The following CENPI variants were observed in gnomAD, a reference collection of about 807,000 sequenced individuals.
CENPI encodes the protein FSH primary response 1.
In CENPI, 4 loss-of-function variants were observed where a neutral mutation model predicts 60.4. That is an observed-to-expected ratio of 0.07 (90% CI 0.03 to 0.15). The LOEUF (loss-of-function observed/expected upper bound fraction) is 0.15, where lower values mean the gene tolerates loss of function less well. Among genes scored for constraint, CENPI ranks in the 10% least tolerant of loss-of-function variants. The pLI, the probability that CENPI is intolerant of heterozygous loss-of-function variation, is 1.00. For synonymous variants in CENPI, 157 were observed against 189.4 expected (o/e 0.83, Z 1.40); for missense variants, 444 against 534.5 (o/e 0.83, Z 1.67).
chrX:101,139,831 T>TG (rs943300306), intron 15 of CENPI, among the ~76,000 whole-genome samples: 4 of 70,394 alleles, frequency 5.7e-5, no homozygotes, highest in South Asian at 4.9e-4. Context: ...TTTTTTTTTT[T>TG]TTGTTTTTTG....
chrX:101,151,138 CTG>C (rs1009794673), intron 20 of CENPI, among the ~76,000 whole-genome samples: 1 of 111,987 alleles, frequency 8.9e-6, no homozygotes, highest in Non-Finnish European at 1.9e-5. Context: ...AGTTCTGTGT[CTG>C]AGATTCCCTG....
chrX:101,124,350 CTTCTA>C (rs1261499126), intron 8 of CENPI, among the ~76,000 whole-genome samples: 1 of 110,975 alleles, frequency 9.0e-6, no homozygotes, highest in Non-Finnish European at 1.9e-5. Flanking sequence ...TCTGGGACCT[CTTCTA>C]TTCAGGCTGT....
the CENPI span, among the ~76,000 whole-genome samples, chrX:101,177,215 A>G: frequency 3.6e-5 from 4 of 111,245 alleles, no homozygotes; most frequent in African/African-American, 1.3e-4. Flanking sequence ...TGATAGTTGC[A>G]GTGGTGGAAC....
the CENPI span, among the ~76,000 whole-genome samples, chrX:101,172,993 T>C: frequency 2.8e-5 from 3 of 106,819 alleles, no homozygotes; most frequent in Non-Finnish European, 5.8e-5. Flanking sequence ...CATGTGCACC[T>C]ATTAAGTAGT....
chrX:101,138,740 C>T (rs780913385), intron 15 of CENPI, among the ~76,000 whole-genome samples: 2 of 109,584 alleles, frequency 1.8e-5, no homozygotes, highest in South Asian at 7.9e-4. Flanking sequence ...ATCCTCCCGG[C>T]TCAGCCTCCT....
chrX:101,178,997 T>A, the CENPI span, among the ~76,000 whole-genome samples: 1 of 111,604 alleles, frequency 9.0e-6, no homozygotes, highest in South Asian at 3.7e-4. Flanking sequence ...TTTACTACTT[T>A]TTCTTATTCT....
chrX:101,161,078 A>G (rs1293681040), intron 20 of CENPI, among the ~76,000 whole-genome samples: 1 of 112,472 alleles, frequency 8.9e-6, no homozygotes, highest in Admixed American at 9.5e-5. Context: ...AAAATGATAT[A>G]TGATAAAAAC....
intron 8 of CENPI, among the ~76,000 whole-genome samples, chrX:101,123,156 T>C (rs754557371): frequency 4.5e-5 from 5 of 112,158 alleles, no homozygotes; most frequent in African/African-American, 1.6e-4. Flanking sequence ...CAAGAAGGCA[T>C]AGCTATGTTC....
At chrX:101,145,241 G>A (rs749360427) in intron 17 of CENPI, 42 bp downstream of exon 17, 26 of 1,085,150 alleles carry the variant, frequency 2.4e-5, no homozygotes, top group Non-Finnish European at 3.0e-5. Context: ...TTATGTGAAG[G>A]CTATCCACTT....
At chrX:101,151,208 C>G (rs981218632) in intron 20 of CENPI, among the ~76,000 whole-genome samples, 1 of 111,304 alleles carries the variant, frequency 9.0e-6, no homozygotes, top group African/African-American at 3.3e-5. Context: ...CTGGTTATGT[C>G]TTATCTTGAA....
chrX:101,131,809 T>C (rs1156479803), intron 13 of CENPI, among the ~76,000 whole-genome samples: 2 of 111,821 alleles, frequency 1.8e-5, no homozygotes, highest in Non-Finnish European at 3.8e-5. Context: ...TGGGATTTGG[T>C]CTATGGCCTC....
At chrX:101,123,786 C>G (rs1317100871) in intron 8 of CENPI, among the ~76,000 whole-genome samples, 4 of 110,076 alleles carry the variant, frequency 3.6e-5, no homozygotes, top group African/African-American at 1.3e-4. Flanking sequence ...CAGGGTCTCT[C>G]TATGTCACCC....
intron 16 of CENPI, among the ~76,000 whole-genome samples, chrX:101,142,675 G>A (rs1451376473): frequency 9.0e-6 from 1 of 111,339 alleles, no homozygotes; most frequent in Non-Finnish European, 1.9e-5. Flanking sequence ...ACAGTGAATT[G>A]TTTCATCCAA....
intron 15 of CENPI, among the ~76,000 whole-genome samples, chrX:101,140,021 A>G (rs752344757): frequency 1.2e-3 from 130 of 110,210 alleles, no homozygotes; most frequent in African/African-American, 4.0e-3. Context: ...TATTTTTAGT[A>G]GAGACGGGGT....
the CENPI span, among the ~76,000 whole-genome samples, chrX:101,178,531 C>T: frequency 7.1e-3 from 761 of 106,664 alleles, 24 homozygotes; most frequent in Admixed American, 0.062. Flanking sequence ...TTGCCTCAGC[C>T]TCCTGAGTAG....
At position 101,166,099 on chromosome X, in the gene CENPI, A is replaced by G. The variant is rs2090142970; in HGVS notation, c.*3132A>G. Among the ~76,000 whole-genome samples the G allele has an allele frequency of 9.0e-6, 1 of 111,134 alleles. No individual in the cohort carries two copies. Among genetic ancestry groups the G allele is most frequent in the African/African-American group, 3.3e-5 (1 of 30,763 alleles). On this transcript the variant is annotated 3_prime_UTR_variant, in exon 22 of 22. Transcript: ENST00000682095. ...TTCCCTGGGTATCTTTTTTTGCCCC[A>G]CAAATAAAATACTTAGACATACCTG...
At chrX:101,120,532 G>A in intron 7 of CENPI, 82 bp downstream of exon 7, 1 of 613,277 alleles carries the variant, frequency 1.6e-6, no homozygotes, top group South Asian at 2.8e-5. Context: ...ATAACTATTA[G>A]CATTAGTTAT....
In CENPI at chrX:101,165,760, T is replaced by C. The variant is rs1052060741; in HGVS notation, c.*2793T>C. 3.6e-5 allele frequency among the ~76,000 whole-genome samples: 4 copies of C among 110,722 alleles called. No homozygotes were observed. Among genetic ancestry groups the C allele is most frequent in the African/African-American group, 6.6e-5 (2 of 30,428 alleles). On this transcript the variant is annotated 3_prime_UTR_variant, in exon 22 of 22. Coordinates refer to ENST00000682095, the MANE Select transcript of CENPI (RefSeq NM_001386188.2). ...ACCCACCAGTGACCTAGAAGAAAAA[T>C]CAGGAGGCTGGTATTCTGGAAGCCA...
At chrX:101,156,704 T>C (rs1453369923) in intron 20 of CENPI, among the ~76,000 whole-genome samples, 1 of 109,409 alleles carries the variant, frequency 9.1e-6, no homozygotes, top group African/African-American at 3.3e-5. Flanking sequence ...CTTATGCCCT[T>C]GCATCCTCAC....
Sources: allele counts gnomAD v4.1 joint callset (sites outside exome capture counted in the v4.1 genomes callset), GRCh38; gene constraint gnomAD v4.1.1; transcripts MANE v1.5; gene names NCBI Gene and HGNC (gene_info 2026-07-23, HGNC 2026-07-21).